ERBB4: variants seen among roughly 807,000 people sequenced by gnomAD.
ERBB4 encodes erb-b2 receptor tyrosine kinase 4, also known as receptor tyrosine-protein kinase erbB-4.
ERBB4 carries 42 observed loss-of-function variants against 158.0 expected under a neutral mutation model. The ratio of observed to expected loss-of-function variants is 0.27; its 90% confidence interval spans 0.21 to 0.34. The LOEUF (loss-of-function observed/expected upper bound fraction) is 0.34. Among genes scored for constraint, ERBB4 ranks in the 10% least tolerant of loss-of-function variants. The pLI, the probability that ERBB4 is intolerant of heterozygous loss-of-function variation, is 1.00. For missense variants in ERBB4, 1,333 were observed against 1,624.1 expected, an observed-to-expected ratio of 0.82 and a Z score of 3.08; for synonymous variants, 583 against 558.7, an observed-to-expected ratio of 1.04 and a Z score of -0.61.
At chr2:211,768,806 C>T (rs768197127) in intron 4 of ERBB4, among the ~76,000 whole-genome samples, 13 of 152,180 alleles carry the variant, frequency 8.5e-5, no homozygotes, top group Non-Finnish European at 1.8e-4. Context: ...CCATGAAGAC[C>T]TCTGACATGC....
rs191052657 is a variant in ERBB4, at chr2:211,658,810, A to C, written c.1872-982T>G. 3.2e-3 allele frequency among the ~76,000 whole-genome samples: 487 copies of C among 152,296 alleles called. 3 individuals are homozygous for C. The highest frequency in any genetic ancestry group is 0.011 in the African/African-American group (443 of 41,586). ...CATTTAAATGGAATTACATAAGTAC[A>C]CAGAATTCTAATGTGCAGTCCCTAG... On this transcript the variant is annotated intron_variant, in intron 15 of 27. Transcript: ENST00000342788.
intron 19 of ERBB4, among the ~76,000 whole-genome samples, chr2:211,580,699 T>C (rs962772423): frequency 1.4e-5 from 2 of 147,038 alleles, no homozygotes; most frequent in African/African-American, 2.5e-5. Flanking sequence ...TACCTGCACA[T>C]GCATGTTTAT....
intron 23 of ERBB4, 128 bp from the exon 24 acceptor site, chr2:211,422,232 GC>G: frequency 1.6e-6 from 1 of 644,322 alleles, no homozygotes; most frequent in Non-Finnish European, 2.8e-6. Flanking sequence ...GAGAAAGAAA[GC>G]AAGCTAGTGA....
intron 3 of ERBB4, among the ~76,000 whole-genome samples, chr2:211,887,253 TACACACACAC>T (rs112197898): frequency 3.6e-4 from 53 of 145,318 alleles, no homozygotes; most frequent in Non-Finnish European, 6.5e-4. Context: ...AACAGAGGAT[TACACACACAC>T]ACACACACAC....
At chr2:212,411,366 T>G (rs1402422329) in intron 1 of ERBB4, among the ~76,000 whole-genome samples, 1 of 152,152 alleles carries the variant, frequency 6.6e-6, no homozygotes, top group Admixed American at 6.6e-5. Flanking sequence ...AAATTCCCAT[T>G]ATATTTGTAA....
intron 16 of ERBB4, among the ~76,000 whole-genome samples, chr2:211,652,423 C>T (rs935789200): frequency 2.0e-5 from 3 of 152,064 alleles, no homozygotes; most frequent in African/African-American, 7.2e-5. Context: ...TCTAAGGTAA[C>T]GATCTATGGA....
At chr2:211,452,219 C>A (rs1374296668) in intron 20 of ERBB4, among the ~76,000 whole-genome samples, 2 of 152,092 alleles carry the variant, frequency 1.3e-5, no homozygotes, top group East Asian at 3.9e-4. Flanking sequence ...GCTCTGTTGC[C>A]CAGGCTGGAG....
chr2:211,884,135 C>T (rs926853317), intron 3 of ERBB4, among the ~76,000 whole-genome samples: 5 of 152,112 alleles, frequency 3.3e-5, no homozygotes, highest in Admixed American at 6.5e-5. Flanking sequence ...TGCTCTATTA[C>T]GTTTAAACAC....
chr2:211,561,032 A>G (rs1490381631), intron 20 of ERBB4, among the ~76,000 whole-genome samples: 1 of 152,236 alleles, frequency 6.6e-6, no homozygotes, highest in Non-Finnish European at 1.5e-5. Context: ...AAGAGTTGAC[A>G]TAATTAAAAC....
chr2:212,207,373 C>G (rs1486474617), intron 1 of ERBB4, among the ~76,000 whole-genome samples: 2 of 152,062 alleles, frequency 1.3e-5, no homozygotes, highest in African/African-American at 4.8e-5. Flanking sequence ...TGTTTGTTTT[C>G]CAGTAAATAA....
intron 2 of ERBB4, among the ~76,000 whole-genome samples, chr2:212,025,503 G>A (rs543612094): frequency 6.6e-6 from 1 of 151,832 alleles, no homozygotes; most frequent in South Asian, 2.1e-4. Flanking sequence ...TGTGATAAAG[G>A]CAGATAATTT....
intron 3 of ERBB4, among the ~76,000 whole-genome samples, chr2:211,944,227 A>C (rs839534): frequency 0.01 from 214 of 20,844 alleles, 13 homozygotes; most frequent in East Asian, 0.015. Flanking sequence ...CACACACACA[A>C]AAAAAAAGAA....
chr2:212,016,499 C>T (rs1217660175), intron 2 of ERBB4, among the ~76,000 whole-genome samples: 1 of 151,858 alleles, frequency 6.6e-6, no homozygotes, highest in Non-Finnish European at 1.5e-5. Flanking sequence ...AATCTACTGG[C>T]ATATCATGCA....
At chr2:211,682,085 C>CACACACACACAT (rs59564874) in intron 12 of ERBB4, among the ~76,000 whole-genome samples, 64 of 149,834 alleles carry the variant, frequency 4.3e-4, no homozygotes, top group African/African-American at 1.6e-3. Context: ...CACACACACA[C>CACACACACACAT]ACACACAATT....
chr2:212,371,774 C>G (rs1431397257), intron 1 of ERBB4, among the ~76,000 whole-genome samples: 1 of 152,108 alleles, frequency 6.6e-6, no homozygotes, highest in Non-Finnish European at 1.5e-5. Flanking sequence ...GGCACTTACT[C>G]CAAACCATGA....
chr2:211,519,914 G>A (rs576208660), intron 20 of ERBB4, among the ~76,000 whole-genome samples: 1 of 152,256 alleles, frequency 6.6e-6, no homozygotes, highest in African/African-American at 2.4e-5. Context: ...ATGCTTGCAT[G>A]TATCTCTGAG....
At position 212,379,754 on chromosome 2, in the gene ERBB4, AAC is replaced by A. The variant is rs2090441600; in HGVS notation, c.82+158693_82+158694del. On this transcript the variant is annotated intron_variant, in intron 1 of 27. Coordinates refer to ENST00000342788, the MANE Select transcript of ERBB4 (RefSeq NM_005235.3). ...CCCCACCCTGATATTTTGGGGGAAA[AAC>A]ACTCAATTTTTCTATCATATATATT... Among the ~76,000 whole-genome samples, 10 of 151,380 alleles carry A rather than the reference AAC, an allele frequency of 6.6e-5. No homozygotes were observed. In the South Asian group the frequency reaches 1.9e-3, roughly 28 times the overall value.
At chr2:211,580,822 T>G (rs1394126674) in intron 19 of ERBB4, among the ~76,000 whole-genome samples, 8 of 18,030 alleles carry the variant, frequency 4.4e-4, no homozygotes, top group South Asian at 7.6e-3. Context: ...AATATATATA[T>G]ATTATATATA....
At chr2:212,182,482 T>TC (rs760514613) in intron 1 of ERBB4, among the ~76,000 whole-genome samples, 2 of 151,826 alleles carry the variant, frequency 1.3e-5, no homozygotes, top group Non-Finnish European at 2.9e-5. Context: ...AGAGTAAACT[T>TC]CCTAGGGATG....
Sources: gnomAD v4.1 joint callset for allele counts (sites outside exome capture counted in the v4.1 genomes callset) on GRCh38, gnomAD v4.1.1 for gene constraint, MANE v1.5 for transcripts, NCBI Gene and HGNC (gene_info 2026-07-23, HGNC 2026-07-21) for gene names.